The following NCKAP1L variants were observed in gnomAD, a reference collection of about 807,000 sequenced individuals.
NCKAP1L encodes nck-associated protein 1-like.
NCKAP1L carries 53 observed loss-of-function variants against 139.2 expected under a neutral mutation model. The ratio of observed to expected loss-of-function variants is 0.38; its 90% CI spans 0.31 to 0.48. The LOEUF (loss-of-function observed/expected upper bound fraction) is 0.48. NCKAP1L is among the 20% of genes least tolerant of loss of function. The pLI is 0.98. For synonymous variants in NCKAP1L, 468 were observed against 499.7 expected (o/e 0.94, Z 0.85); for missense variants, 1,151 against 1,381.9 (o/e 0.83, Z 2.65).
intron 10 of NCKAP1L, among the ~76,000 whole-genome samples, 178 bp downstream of exon 10, chr12:54,516,473 G>T (rs1780846971): frequency 6.7e-6 from 1 of 148,188 alleles, no homozygotes; most frequent in Non-Finnish European, 1.5e-5. Context: ...TTGAGACAGA[G>T]TCTCGCTCTG....
chr12:54,542,169 C>T (rs1457433945), intron 30 of NCKAP1L, among the ~76,000 whole-genome samples: 4 of 152,252 alleles, frequency 2.6e-5, no homozygotes, highest in South Asian at 2.1e-4. Context: ...GGCCCCCTTC[C>T]GTGGCCTGCA....
intron 13 of NCKAP1L, 111 bp downstream of exon 13, chr12:54,518,049 G>A (rs974294813): frequency 1.5e-6 from 2 of 1,345,368 alleles, no homozygotes; most frequent in African/African-American, 1.4e-5. Flanking sequence ...GTGTCAAAAG[G>A]TCCAATCTAG....
intron 26 of NCKAP1L, among the ~76,000 whole-genome samples, chr12:54,534,702 C>T (rs910659775): frequency 2.0e-5 from 3 of 151,914 alleles, no homozygotes; most frequent in African/African-American, 4.8e-5. Flanking sequence ...CTGGCAGCAC[C>T]GAATAAAGGA....
In NCKAP1L at chr12:54,523,524, G is replaced by A. The variant is rs764942199; in HGVS notation, c.2009G>A (p.Arg670His). The A allele has an allele frequency of 2.5e-6, 4 of 1,613,370 alleles. No homozygotes were observed. Among genetic ancestry groups the A allele is most frequent in the Admixed American group, 1.7e-5 (1 of 59,872 alleles). ...KPGAESHRKN[R>H]SIVTNMDKLH... ...GGAGCTGAGAGTCACCGGAAGAACC[G>A]CAGCATTGTCACCAAGTGAGGACCT... Residue 670 changes from arginine to histidine, a missense_variant, in exon 19 of 31, where the codon CGC becomes CAC. Coordinates refer to ENST00000293373, the MANE Select transcript of NCKAP1L (RefSeq NM_005337.5).
Position 54,531,548 on chromosome 12 carries a change from C to T in NCKAP1L, c.2662C>T (p.Pro888Ser). 6.2e-7 allele frequency: 1 copy of T among 1,614,158 alleles called. No homozygotes were observed. Among genetic ancestry groups the T allele is most frequent in the African/African-American group, 1.3e-5 (1 of 75,042 alleles). The stretch of plus-strand genomic sequence containing the variant: ...TCAGATCAGATCCAACTTTAGCAAG[C>T]CGGACTTGATGGCTTCCCTGCTGCC... The part of the protein sequence containing the change: ...LVQIRSNFSK[P>S]DLMASLLPQL... The change falls in exon 24 of 31, where the codon CCG becomes TCG. Residue 888 changes from proline (P) to serine (S), a missense_variant. Pro to Ser is a moderately conservative substitution (Grantham distance 74). Transcript: ENST00000293373.
intron 30 of NCKAP1L, among the ~76,000 whole-genome samples, chr12:54,539,517 G>T (rs1451868588): frequency 6.6e-6 from 1 of 152,118 alleles, no homozygotes; most frequent in Admixed American, 6.5e-5. Context: ...CCAAGCTGTG[G>T]GCTTCTCTCT....
chr12:54,508,530 G>A lies in NCKAP1L; in HGVS notation c.505G>A (p.Gly169Ser). 1.9e-6 allele frequency: 3 copies of A among 1,614,016 alleles called. No individual in the cohort carries two copies. ...TGCCCATGAGATGCTGCATGGGCAT[G>A]GGTGAGTTAAGGCGAGAGTATTATA... ...NCAHEMLHGH[G>S]DPSFARLGQM... The change falls in exon 5 of 31, where the codon GGT becomes AGT. Residue 169 changes from glycine to serine, a missense_variant and splice_region_variant. By Grantham distance (56) the Gly-to-Ser change is moderately conservative. Coordinates refer to ENST00000293373, the MANE Select transcript of NCKAP1L (RefSeq NM_005337.5).
rs143696023 is a variant in NCKAP1L, at chr12:54,497,888, G to T, written c.99G>T (p.Lys33Asn). 33 of 1,592,148 alleles carry T rather than the reference G, an allele frequency of 2.1e-5. No individual in the cohort carries two copies. Among genetic ancestry groups the T allele is most frequent in the Non-Finnish European group, 2.6e-5 (30 of 1,160,060 alleles). Residue 33 changes from lysine to asparagine, a missense_variant, in exon 1 of 31, where the codon AAG becomes AAT. Physicochemically the swap from Lys to Asn is moderately conservative, Grantham distance 94. Coordinates refer to ENST00000293373, the MANE Select transcript of NCKAP1L (RefSeq NM_005337.5). ...TTCTCATCCGTATGTATAACATCAA[G>T]AAGGTAAGCATGAACAATGGGACTA... ...QGVLIRMYNI[K>N]KTCSDPKSKP...
intron 21 of NCKAP1L, among the ~76,000 whole-genome samples, chr12:54,527,880 C>T (rs1957039145): frequency 6.6e-6 from 1 of 152,142 alleles, no homozygotes; most frequent in Non-Finnish European, 1.5e-5. Flanking sequence ...TCAAAGGAGT[C>T]TAATTAAGTA....
At chr12:54,531,865 A>AT in intron 25 of NCKAP1L, 40 bp downstream of exon 25, 2 of 1,429,576 alleles carry the variant, frequency 1.4e-6, no homozygotes, top group Non-Finnish European at 2.0e-6. Flanking sequence ...AGTCACAGAT[A>AT]CCTCTGTGGG....
At chr12:54,519,700 G>A (rs1040775023) in intron 16 of NCKAP1L, among the ~76,000 whole-genome samples, 2 of 152,014 alleles carry the variant, frequency 1.3e-5, no homozygotes, top group Non-Finnish European at 1.5e-5. Context: ...GCTCACTTGT[G>A]TCAGCTTTTT....
chr12:54,539,581 T>G (rs1957141426), intron 30 of NCKAP1L, among the ~76,000 whole-genome samples: 1 of 152,216 alleles, frequency 6.6e-6, no homozygotes, highest in Admixed American at 6.5e-5. Flanking sequence ...AAAGTTTTTT[T>G]CCTCATGGCC....
In NCKAP1L at chr12:54,520,949, C is replaced by G. The variant is rs953531020; in HGVS notation, c.1758+123C>G. On this transcript the variant is annotated intron_variant, in intron 17 of 30. Coordinates refer to ENST00000293373, the MANE Select transcript of NCKAP1L (RefSeq NM_005337.5). Reference sequence around the variant, plus strand: ...ATAAACATAGATGTATGATATGAGTCCCTAAATATCTCAGCTTGATGTATC... The same window carrying G: ...ATAAACATAGATGTATGATATGAGTGCCTAAATATCTCAGCTTGATGTATC... 6 of 1,465,122 alleles carry G rather than the reference C, an allele frequency of 4.1e-6. No homozygotes were observed. In the South Asian group the frequency reaches 7.0e-5, roughly 17 times the overall value. The allele number at this position is 1,465,122 out of a possible 1,614,324, so 90.8% of individuals were successfully genotyped here.
In NCKAP1L at chr12:54,546,983, A is replaced by G. The variant is rs1425784758; in HGVS notation, c.*4298A>G. 1 of 152,182 alleles carries G rather than the reference A, an allele frequency of 6.6e-6. No individual in the cohort carries two copies. Among genetic ancestry groups the G allele is most frequent in the Admixed American group, 6.5e-5 (1 of 15,282 alleles). 9.4% of individuals were successfully genotyped at this position (152,182 alleles called of 1,614,324 possible). A position where few individuals can be genotyped will look rare whatever the true frequency, so the allele number is the denominator to read the frequency against. ...ATCATTTTTGGTTTCTATCAAACTC[A>G]AAGCTTGTTGGAAAGGATTGTGGGG... On this transcript the variant is annotated 3_prime_UTR_variant, in exon 31 of 31. Coordinates refer to ENST00000293373, the MANE Select transcript of NCKAP1L (RefSeq NM_005337.5).
intron 18 of NCKAP1L, 102 bp downstream of exon 18, chr12:54,521,340 CTT>C: frequency 6.6e-7 from 1 of 1,515,616 alleles, no homozygotes; most frequent in Non-Finnish European, 9.0e-7. Flanking sequence ...CTCAGTAACT[CTT>C]TCTCTGAAGT....
chr12:54,498,791 G>A, intron 1 of NCKAP1L: 1 of 985,106 alleles, frequency 1.0e-6, no homozygotes, highest in Non-Finnish European at 1.2e-6. Context: ...TTTGTGCTGG[G>A]GCCAAGCAGG....
chr12:54,511,774 A>G, intron 7 of NCKAP1L, 29 bp from the exon 8 acceptor site: 1 of 1,609,334 alleles, frequency 6.2e-7, no homozygotes, highest in Non-Finnish European at 8.5e-7. Flanking sequence ...AAGTTAAATA[A>G]CTGATCATCT....
intron 25 of NCKAP1L, 82 bp from the exon 26 acceptor site, chr12:54,532,088 T>C (rs1957076914): frequency 1.0e-5 from 1 of 98,494 alleles, no homozygotes; most frequent in Non-Finnish European, 1.7e-5. Flanking sequence ...GTGCCCCTCC[T>C]TTTTTTTTTT....
rs890076079 is a variant in NCKAP1L at position 54,517,730 on chromosome 12, G to A, written c.1206-76G>A. 2.0e-5 allele frequency: 32 copies of A among 1,598,968 alleles called. No individual in the cohort carries two copies. The East Asian group carries it at 6.9e-4, about 35-fold the overall frequency. On this transcript the variant is annotated intron_variant, in intron 12 of 30. Transcript: ENST00000293373. ...ATGACCTTAGGAGGTCTCAATTTCT[G>A]CCCTGATATCACTGTGTTTGTCTCA...
Sources: allele counts gnomAD v4.1 joint callset (sites outside exome capture counted in the v4.1 genomes callset), GRCh38; gene constraint gnomAD v4.1.1; transcripts MANE v1.5; gene names NCBI Gene and HGNC (gene_info 2026-07-23, HGNC 2026-07-21).